The following CACNB4 variants were observed in gnomAD, a reference collection of about 807,000 sequenced individuals.
The protein encoded by CACNB4 is calcium voltage-gated channel auxiliary subunit beta 4.
A neutral mutation model predicts 71.2 loss-of-function variants in CACNB4; 32 were observed. The ratio of observed to expected loss-of-function variants is 0.45; its 90% CI spans 0.34 to 0.60. The LOEUF is 0.60. CACNB4 is among the 20% of genes least tolerant of loss of function. The pLI, the probability that CACNB4 is intolerant of heterozygous loss-of-function variation, is 0.01. For missense variants in CACNB4, 464 were observed against 647.9 expected, an observed-to-expected ratio of 0.72 and a Z score of 3.08; for synonymous variants, 231 against 236.9, an observed-to-expected ratio of 0.97 and a Z score of 0.23.
intron 2 of CACNB4, among the ~76,000 whole-genome samples, chr2:151,895,750 T>C (rs1388951262): frequency 6.6e-6 from 1 of 152,068 alleles, no homozygotes; most frequent in Non-Finnish European, 1.5e-5. Flanking sequence ...ACATTAAATA[T>C]TAATAATCAC....
chr2:151,841,627 C>T (rs988667715), intron 13 of CACNB4: 7 of 356,588 alleles, frequency 2.0e-5, no homozygotes, highest in African/African-American at 1.3e-4. Context: ...GTAGGCATTA[C>T]GTTTGCCAGC....
intron 9 of CACNB4, chr2:151,867,093 C>T (rs2099843352): frequency 6.6e-6 from 1 of 152,122 alleles, no homozygotes; most frequent in African/African-American, 2.4e-5. Context: ...ATGTTATAGA[C>T]CAAAATAATC....
chr2:151,991,477 T>C (rs1681700405), intron 2 of CACNB4, among the ~76,000 whole-genome samples: 2 of 152,164 alleles, frequency 1.3e-5, no homozygotes, highest in African/African-American at 4.8e-5. Flanking sequence ...GACTTTTCAT[T>C]GTCTCTTGTT....
At chr2:151,864,718 T>C (rs2099842640) in intron 9 of CACNB4, among the ~76,000 whole-genome samples, 1 of 152,206 alleles carries the variant, frequency 6.6e-6, no homozygotes, top group South Asian at 2.1e-4. Context: ...AAAATGGCAA[T>C]AGTAGCTTTG....
At chr2:151,880,943 T>C (rs754704232) in intron 3 of CACNB4, 21 bp from the exon 4 acceptor site, 12 of 1,586,150 alleles carry the variant, frequency 7.6e-6, no homozygotes, top group Non-Finnish European at 9.4e-6. Context: ...AACCATGGAA[T>C]AAGGAATGAG....
chr2:152,037,468 C>T (rs1189034147), intron 2 of CACNB4, among the ~76,000 whole-genome samples: 2 of 152,218 alleles, frequency 1.3e-5, no homozygotes, highest in African/African-American at 2.4e-5. Flanking sequence ...CTTAAATCTA[C>T]TTACACCCTG....
chr2:151,908,496 T>C (rs1431868862), intron 2 of CACNB4, among the ~76,000 whole-genome samples: 1 of 152,176 alleles, frequency 6.6e-6, no homozygotes, highest in African/African-American at 2.4e-5. Flanking sequence ...TTGTCAACCC[T>C]GCTTGGTTTT....
At chr2:151,851,689 A>C (rs2099839109) in intron 12 of CACNB4, 1 of 152,208 alleles carries the variant, frequency 6.6e-6, no homozygotes, top group African/African-American at 2.4e-5. Context: ...TATTAGAATA[A>C]ATGTTAATAA....
chr2:152,026,291 T>G (rs112615749), intron 2 of CACNB4, among the ~76,000 whole-genome samples: 459 of 152,272 alleles, frequency 3.0e-3, no homozygotes, highest in Middle Eastern at 0.02. Context: ...AGCGTCTTCC[T>G]TTCCACTGGA....
intron 2 of CACNB4, among the ~76,000 whole-genome samples, chr2:151,978,437 T>C (rs2099874175): frequency 6.6e-6 from 1 of 152,062 alleles, no homozygotes. Context: ...AAGAATACCA[T>C]GAAGCAAAGT....
In CACNB4 at chr2:151,869,944, C is replaced by T. The variant is rs192955765; in HGVS notation, c.699+587G>A. 7 of 464,066 alleles carry T rather than the reference C, an allele frequency of 1.5e-5. No individual in the cohort carries two copies. The East Asian group carries it at 2.7e-4, about 18-fold the overall frequency. The allele number at this position is 464,066 out of a possible 1,614,324, so 28.7% of individuals were successfully genotyped here. A position where few individuals can be genotyped will look rare whatever the true frequency, so the allele number is the denominator to read the frequency against. ...ACCTATTTTTTAATCCAAGCTAGCA[C>T]AAAGTCAAAACAAACATCTGAAACG... On this transcript the variant is annotated intron_variant, in intron 8 of 13. Coordinates refer to ENST00000539935, the MANE Select transcript of CACNB4 (RefSeq NM_000726.5).
chr2:152,026,410 G>A (rs982566824), intron 2 of CACNB4, among the ~76,000 whole-genome samples: 23 of 150,946 alleles, frequency 1.5e-4, no homozygotes, highest in African/African-American at 5.4e-4. Context: ...TTTGAGACAG[G>A]TTCTCGCTCT....
chr2:151,838,477 G>A lies in CACNB4; in HGVS notation c.*642C>T, dbSNP rs184007124. The A allele has an allele frequency of 1.5e-4, 22 of 151,640 alleles. No homozygotes were observed. The highest frequency in any genetic ancestry group is 1.3e-3 in the Admixed American group (20 of 15,234). The allele number at this position is 151,640 out of a possible 1,614,324, so 9.4% of individuals were successfully genotyped here. On this transcript the variant is annotated 3_prime_UTR_variant, in exon 14 of 14. Coordinates refer to ENST00000539935, the MANE Select transcript of CACNB4 (RefSeq NM_000726.5). ...AATCTGAGGAGACTATATAATTTCT[G>A]CATTAAGATTTCTGAGATTTTTTTT...
intron 2 of CACNB4, among the ~76,000 whole-genome samples, chr2:151,965,072 A>G (rs2099870721): frequency 6.6e-6 from 1 of 152,264 alleles, no homozygotes; most frequent in South Asian, 2.1e-4. Flanking sequence ...CAATAGAACC[A>G]TTGAATCAAG....
rs188863810 is a variant in CACNB4 at position 151,884,406 on chromosome 2, G to A, written c.148-1036C>T. ...TGGGAGGCCGAGGTGGGAGGATCAC[G>A]AGGTCAGGAGTTCGACACCAGCCTG... is the stretch of plus-strand genomic sequence containing the variant. On this transcript the variant is annotated intron_variant, in intron 2 of 13. Coordinates refer to ENST00000539935, the MANE Select transcript of CACNB4 (RefSeq NM_000726.5). Among the ~76,000 whole-genome samples, 681 of 148,932 alleles carry A rather than the reference G, an allele frequency of 4.6e-3. 8 individuals carry two copies. The highest frequency in any genetic ancestry group is 0.015 in the African/African-American group (610 of 40,420).
At chr2:151,894,398 A>G (rs1272439403) in intron 2 of CACNB4, among the ~76,000 whole-genome samples, 2 of 152,236 alleles carry the variant, frequency 1.3e-5, no homozygotes, top group Non-Finnish European at 2.9e-5. Flanking sequence ...CCTTCATGAT[A>G]GAAACTCTCA....
Position 152,073,357 on chromosome 2 carries a change from C to T in CACNB4, c.147+24973G>A, listed in dbSNP as rs886426547. Among the ~76,000 whole-genome samples, 5 of 152,286 alleles carry T rather than the reference C, an allele frequency of 3.3e-5. No homozygotes were observed. In the East Asian group the frequency reaches 7.7e-4, roughly 24 times the overall value. On this transcript the variant is annotated intron_variant, in intron 2 of 13. Transcript: ENST00000539935. ...CTCCCTCTCCAACCCTCACCCATCA[C>T]CCCATGCCAAATTCAATATACCTAG...
At chr2:151,960,327 T>C (rs749136428) in intron 2 of CACNB4, among the ~76,000 whole-genome samples, 7 of 152,152 alleles carry the variant, frequency 4.6e-5, no homozygotes, top group Non-Finnish European at 8.8e-5. Context: ...TGGAATTGAC[T>C]CTCTCTTGTG....
At chr2:151,856,070 G>A (rs1269458109) in intron 10 of CACNB4, among the ~76,000 whole-genome samples, 2 of 149,876 alleles carry the variant, frequency 1.3e-5, no homozygotes, top group Admixed American at 1.3e-4. Context: ...CTGGCTGGCT[G>A]TAATAGCCAA....
Sources: gnomAD v4.1 joint callset for allele counts (sites outside exome capture counted in the v4.1 genomes callset) on GRCh38, gnomAD v4.1.1 for gene constraint, MANE v1.5 for transcripts, NCBI Gene and HGNC (gene_info 2026-07-23, HGNC 2026-07-21) for gene names.